The following JDP2 variants were observed in gnomAD, a reference collection of about 807,000 sequenced individuals.
JDP2 encodes Jun dimerization protein 2.
Under a neutral mutation model 17.1 loss-of-function variants are expected in JDP2, and 9 were observed. That is an observed-to-expected ratio of 0.53 (90% CI 0.32 to 0.92). JDP2 has a LOEUF of 0.92. JDP2 is among the 40% of genes least tolerant of loss of function. The pLI is 0.04. For missense variants in JDP2, 179 were observed against 220.0 expected (o/e 0.81, Z 1.18); for synonymous variants, 107 against 95.6 (o/e 1.12, Z -0.69).
At chr14:75,437,094 T>C (rs539864079) in intron 1 of JDP2, among the ~76,000 whole-genome samples, 19 of 146,702 alleles carry the variant, frequency 1.3e-4, no homozygotes, top group African/African-American at 4.6e-4. Flanking sequence ...CTCGTGAGGC[T>C]GAGACAGGAG....
chr14:75,435,138 G>A (rs1594945971), intron 1 of JDP2, among the ~76,000 whole-genome samples: 2 of 152,300 alleles, frequency 1.3e-5, no homozygotes, highest in Admixed American at 1.3e-4. Flanking sequence ...TCTCCTTAGA[G>A]GAGGCCAGGG....
In JDP2 at chr14:75,430,412, C is replaced by CT. The variant is rs1884743554; in HGVS notation, c.-24+2167dup. On this transcript the variant is annotated intron_variant, in intron 1 of 3. Coordinates refer to ENST00000651602, the MANE Select transcript of JDP2 (RefSeq NM_001135048.2). This position sits in a 1 kb window ranked among gnomAD's most constrained non-coding sequence, Gnocchi z 4.5. The stretch of plus-strand genomic sequence containing the variant: ...CCTTTCTGCTGCAGGATGCAGTTTG[C>CT]TTTTTTTCCATGCGAATGAATTATG... Among the ~76,000 whole-genome samples, 1 of 152,138 alleles carries CT rather than the reference C, an allele frequency of 6.6e-6. No homozygotes were observed. Among genetic ancestry groups the CT allele is most frequent in the African/African-American group, 2.4e-5 (1 of 41,430 alleles).
In JDP2 at chr14:75,451,577, G is replaced by A. The variant is rs549310444; in HGVS notation, c.202-9849G>A. ...CGGAGATCCACAGGCCGTGCGTATCGAGTGAGGAGAGTAGCAGGCCAAGGA... is the reference window on the plus strand; with the variant it reads ...CGGAGATCCACAGGCCGTGCGTATCAAGTGAGGAGAGTAGCAGGCCAAGGA... On this transcript the variant is annotated intron_variant, in intron 2 of 3. Transcript: ENST00000651602. Among the ~76,000 whole-genome samples the A allele has an allele frequency of 7.9e-5, 12 of 152,322 alleles. No homozygotes were observed. In the East Asian group the frequency reaches 1.5e-3, roughly 20 times the overall value.
chr14:75,457,616 A>G (rs921771155), intron 2 of JDP2, among the ~76,000 whole-genome samples: 1 of 152,220 alleles, frequency 6.6e-6, no homozygotes, highest in Non-Finnish European at 1.5e-5. Context: ...GGTTGGGGGC[A>G]TGGGTGCAGG....
rs747632515 is a variant in JDP2 at position 75,461,460 on chromosome 14, G to A, written c.236G>A (p.Arg79Gln). ...DEEEERRKRR[R>Q]EKNKVAAARC... ...GAAGAGGAGCGAAGGAAAAGGCGCC[G>A]GGAGAAGAACAAAGTCGCAGCAGCC... The change falls in exon 3 of 4, where the codon CGG (arginine) becomes CAG (glutamine). Residue 79 changes from arginine to glutamine, a missense_variant. Arg to Gln is a conservative substitution (Grantham distance 43, BLOSUM62 1). Transcript: ENST00000651602. The A allele has an allele frequency of 8.7e-6, 14 of 1,609,836 alleles. No homozygotes were observed. The highest frequency in any genetic ancestry group is 2.7e-5 in the African/African-American group (2 of 74,906).
chr14:75,446,551 C>T (rs958455514), intron 2 of JDP2, among the ~76,000 whole-genome samples: 6 of 152,090 alleles, frequency 3.9e-5, no homozygotes, highest in Non-Finnish European at 7.4e-5. Flanking sequence ...AGAAGCCAGC[C>T]ACAAGAGACC....
chr14:75,453,505 A>G (rs1885963706), intron 2 of JDP2, among the ~76,000 whole-genome samples: 1 of 152,238 alleles, frequency 6.6e-6, no homozygotes, highest in South Asian at 2.1e-4. Context: ...CGCTGCTGCA[A>G]TAGCACCACC....
intron 2 of JDP2, among the ~76,000 whole-genome samples, chr14:75,447,971 A>G (rs1169268850): frequency 6.6e-6 from 1 of 152,094 alleles, no homozygotes; most frequent in Non-Finnish European, 1.5e-5. Context: ...CTAGTTAGCT[A>G]GCTATCACCT....
At position 75,437,888 on chromosome 14, in the gene JDP2, C is replaced by T; in HGVS notation, c.-23-10C>T. ...GGCTGACTGTCCTGCTCTTTTCCTG[C>T]CCACTCCAGGCTGGCCTGCCACTCC... On this transcript the variant is annotated splice_polypyrimidine_tract_variant and intron_variant, in intron 1 of 3. Coordinates refer to ENST00000651602, the MANE Select transcript of JDP2 (RefSeq NM_001135048.2). The T allele has an allele frequency of 6.4e-7, 1 of 1,566,900 alleles. No homozygotes were observed. Among genetic ancestry groups the T allele is most frequent in the Non-Finnish European group, 8.7e-7 (1 of 1,154,244 alleles).
At chr14:75,443,115 G>A (rs1885431582) in intron 2 of JDP2, among the ~76,000 whole-genome samples, 1 of 152,060 alleles carries the variant, frequency 6.6e-6, no homozygotes, top group South Asian at 2.1e-4. Flanking sequence ...TTCCCGTTTT[G>A]GATGAAGTGT....
chr14:75,437,653 C>T (rs1885129850), intron 1 of JDP2, among the ~76,000 whole-genome samples: 2 of 152,238 alleles, frequency 1.3e-5, no homozygotes, highest in Admixed American at 1.3e-4. Context: ...TTGGGTCAAG[C>T]ATTGCCTTCA....
intron 1 of JDP2, among the ~76,000 whole-genome samples, chr14:75,434,463 A>G (rs1329926544): frequency 6.6e-6 from 1 of 152,120 alleles, no homozygotes; most frequent in African/African-American, 2.4e-5. Flanking sequence ...TTGCTTCTAC[A>G]AAGGAAAGAC....
In JDP2 at chr14:75,437,898, G is replaced by C; in HGVS notation, c.-23G>C. On this transcript the variant is annotated splice_region_variant and 5_prime_UTR_variant, in exon 2 of 4. Transcript: ENST00000651602. ...CCTGCTCTTTTCCTGCCCACTCCAG[G>C]CTGGCCTGCCACTCCTCCTGCTATG... 1.3e-6 allele frequency: 2 copies of C among 1,585,112 alleles called. No individual in the cohort carries two copies. The highest frequency in any genetic ancestry group is 2.3e-5 in the South Asian group (2 of 88,016).
intron 2 of JDP2, among the ~76,000 whole-genome samples, chr14:75,461,130 C>G (rs988778724): frequency 6.6e-6 from 1 of 152,228 alleles, no homozygotes; most frequent in African/African-American, 2.4e-5. Flanking sequence ...CCTCTCAACA[C>G]TGTTGCATTG....
At chr14:75,432,840 C>T (rs555139816) in intron 1 of JDP2, among the ~76,000 whole-genome samples, 33 of 152,244 alleles carry the variant, frequency 2.2e-4, no homozygotes, top group African/African-American at 7.9e-4. Context: ...CACTTTCTAG[C>T]AAGAACGGCC....
chr14:75,451,260 T>TG (rs1021014540), intron 2 of JDP2, among the ~76,000 whole-genome samples: 2 of 130,552 alleles, frequency 1.5e-5, no homozygotes, highest in African/African-American at 6.0e-5. Context: ...GGAGGCCTCC[T>TG]GGGGGACTGG....
At chr14:75,461,096 A>G (rs1474181110) in intron 2 of JDP2, among the ~76,000 whole-genome samples, 2 of 152,206 alleles carry the variant, frequency 1.3e-5, no homozygotes, top group African/African-American at 4.8e-5. Context: ...TAATATTGTT[A>G]CTAACCACCT....
At chr14:75,443,055 T>C (rs980051993) in intron 2 of JDP2, among the ~76,000 whole-genome samples, 6 of 152,106 alleles carry the variant, frequency 3.9e-5, no homozygotes, top group African/African-American at 4.8e-5. Flanking sequence ...GGATTTCACA[T>C]TGGCGATTTC....
intron 2 of JDP2, among the ~76,000 whole-genome samples, chr14:75,440,390 G>A (rs2140051525): frequency 1.3e-5 from 2 of 152,296 alleles, no homozygotes; most frequent in South Asian, 4.1e-4. Context: ...CCTAAAGCGG[G>A]GTGGGGAAAG....
Sources: allele counts gnomAD v4.1 joint callset (sites outside exome capture counted in the v4.1 genomes callset), GRCh38; gene constraint gnomAD v4.1.1; non-coding constraint Gnocchi (gnomAD v3.1); transcripts MANE v1.5; gene names NCBI Gene and HGNC (gene_info 2026-07-23, HGNC 2026-07-21).